DNAJC3: variants seen among roughly 807,000 people sequenced by gnomAD.
DNAJC3 encodes the protein DnaJ heat shock protein family (Hsp40) member C3.
In DNAJC3, 38 loss-of-function variants were observed where a neutral mutation model predicts 68.6. The observed-to-expected ratio is 0.55, with a 90% CI of 0.43 to 0.73. The LOEUF is 0.73. DNAJC3 is among the 30% of genes least tolerant of loss of function. The probability of loss-of-function intolerance (pLI) is 0.00; values close to 1 mark genes in which losing one functional copy is unlikely to be tolerated. For synonymous variants in DNAJC3, 203 were observed against 204.0 expected, an observed-to-expected ratio of 1.00 and a Z score of 0.04; for missense variants, 526 against 591.9, an observed-to-expected ratio of 0.89 and a Z score of 1.16.
intron 4 of DNAJC3, among the ~76,000 whole-genome samples, chr13:95,730,809 T>C (rs541687603): frequency 6.6e-6 from 1 of 152,348 alleles, no homozygotes; most frequent in East Asian, 1.9e-4. Context: ...TGGTTTCATA[T>C]GAATTGTATG....
At chr13:95,721,123 A>G (rs1186248443) in intron 2 of DNAJC3, among the ~76,000 whole-genome samples, 1 of 152,164 alleles carries the variant, frequency 6.6e-6, no homozygotes, top group East Asian at 1.9e-4. Context: ...TTATTTGAAT[A>G]TGTTAGGTAC....
chr13:95,763,518 A>G, intron 7 of DNAJC3, 125 bp from the exon 8 acceptor site: 1 of 822,022 alleles, frequency 1.2e-6, no homozygotes, highest in East Asian at 2.7e-5. Context: ...GAAAAGCCGA[A>G]TCTGAAGCCA....
chr13:95,725,920 C>A (rs12385875), intron 4 of DNAJC3, among the ~76,000 whole-genome samples: 7 of 147,436 alleles, frequency 4.7e-5, no homozygotes, highest in Admixed American at 1.4e-4. Flanking sequence ...TGAGAACATG[C>A]GGTGTTTGGT....
chr13:95,740,898 C>G (rs1882120081), intron 4 of DNAJC3, among the ~76,000 whole-genome samples: 1 of 152,128 alleles, frequency 6.6e-6, no homozygotes, highest in South Asian at 2.1e-4. Context: ...CAGTATTTGT[C>G]TGATTCTTTT....
intron 9 of DNAJC3, among the ~76,000 whole-genome samples, chr13:95,783,360 ACT>A (rs2139695236): frequency 6.6e-6 from 1 of 152,308 alleles, no homozygotes; most frequent in Admixed American, 6.5e-5. Context: ...TGGGGAGATA[ACT>A]CTGAAATGTA....
intron 2 of DNAJC3, among the ~76,000 whole-genome samples, chr13:95,715,444 A>G (rs1267273402): frequency 6.6e-6 from 1 of 151,502 alleles, no homozygotes; most frequent in Non-Finnish European, 1.5e-5. Context: ...GGCAAGTAGC[A>G]GTGACTCTCA....
intron 2 of DNAJC3, among the ~76,000 whole-genome samples, chr13:95,711,695 A>G (rs1483931313): frequency 2.6e-5 from 4 of 152,200 alleles, no homozygotes; most frequent in African/African-American, 9.7e-5. Flanking sequence ...GCCTAATAAC[A>G]TAGCCTCTAA....
chr13:95,745,873 G>A (rs1882289285), intron 4 of DNAJC3: 1 of 152,196 alleles, frequency 6.6e-6, no homozygotes, highest in African/African-American at 2.4e-5. Context: ...GGAACCTTGA[G>A]TTTTAGATTT....
At chr13:95,770,295 A>G (rs568784339) in intron 9 of DNAJC3, among the ~76,000 whole-genome samples, 2 of 152,300 alleles carry the variant, frequency 1.3e-5, no homozygotes, top group East Asian at 3.9e-4. Context: ...TCATCATCTT[A>G]AATAGAAACA....
At chr13:95,768,230 G>T (rs1435161054) in intron 9 of DNAJC3, among the ~76,000 whole-genome samples, 1 of 152,036 alleles carries the variant, frequency 6.6e-6, no homozygotes, top group Non-Finnish European at 1.5e-5. Context: ...TGTAAAATAG[G>T]AATAAGAATA....
chr13:95,760,619 G>C (rs1445406587), intron 6 of DNAJC3, 60 bp from the exon 7 acceptor site: 1 of 1,545,766 alleles, frequency 6.5e-7, no homozygotes, highest in Non-Finnish European at 8.7e-7. Flanking sequence ...GATTTCTGTG[G>C]AAAACTACTC....
intron 4 of DNAJC3, among the ~76,000 whole-genome samples, chr13:95,754,413 C>T (rs756159167): frequency 2.0e-5 from 3 of 152,256 alleles, no homozygotes; most frequent in Middle Eastern, 3.4e-3. Context: ...TAATCAAGGA[C>T]GTGACAGCTT....
intron 11 of DNAJC3, among the ~76,000 whole-genome samples, chr13:95,787,661 T>TAA (rs1883643302): frequency 6.6e-6 from 1 of 151,636 alleles, no homozygotes; most frequent in African/African-American, 2.4e-5. Context: ...ATTCACAGGC[T>TAA]TATATGTGTT....
intron 4 of DNAJC3, among the ~76,000 whole-genome samples, chr13:95,752,865 GC>G (rs900938955): frequency 6.6e-6 from 1 of 152,144 alleles, no homozygotes; most frequent in African/African-American, 2.4e-5. Flanking sequence ...TTTTAGCGTG[GC>G]AGAGAAATTT....
chr13:95,699,218 G>T (rs1880525962), intron 1 of DNAJC3, among the ~76,000 whole-genome samples: 1 of 152,184 alleles, frequency 6.6e-6, no homozygotes, highest in Admixed American at 6.5e-5. Flanking sequence ...TGGAAATTTT[G>T]TAGAGGAAGT....
chr13:95,752,565 T>A (rs187266699), intron 4 of DNAJC3, among the ~76,000 whole-genome samples: 85 of 152,246 alleles, frequency 5.6e-4, no homozygotes, highest in Non-Finnish European at 9.1e-4. Flanking sequence ...TAATTACGAG[T>A]ATTCTTCTTT....
chr13:95,683,130 GC>G (rs1192354129), intron 1 of DNAJC3, among the ~76,000 whole-genome samples: 1 of 152,182 alleles, frequency 6.6e-6, no homozygotes, highest in East Asian at 1.9e-4. Flanking sequence ...GATTGAAGGA[GC>G]TTTTTTTCCC....
In DNAJC3 at chr13:95,792,870, T is replaced by C. The variant is rs1346100775; in HGVS notation, c.*1840T>C. Reference sequence around the variant, plus strand: ...TGATGTCACTGTGACCTCTTTGAAATATAGTGATGGCTTTTACCTACTTTG... The same window carrying C: ...TGATGTCACTGTGACCTCTTTGAAACATAGTGATGGCTTTTACCTACTTTG... On this transcript the variant is annotated 3_prime_UTR_variant, in exon 12 of 12. Coordinates refer to ENST00000602402, the MANE Select transcript of DNAJC3 (RefSeq NM_006260.5). The C allele has an allele frequency of 6.6e-6, 1 of 152,172 alleles. No homozygotes were observed. The highest frequency in any genetic ancestry group is 1.5e-5 in the Non-Finnish European group (1 of 68,022). The allele number at this position is 152,172 out of a possible 1,614,324, so 9.4% of individuals were successfully genotyped here. A position where few individuals can be genotyped will look rare whatever the true frequency, so the allele number is the denominator to read the frequency against.
At chr13:95,682,610 T>C (rs912769663) in intron 1 of DNAJC3, among the ~76,000 whole-genome samples, 4 of 152,198 alleles carry the variant, frequency 2.6e-5, no homozygotes, top group Non-Finnish European at 4.4e-5. Flanking sequence ...TTATGATCAC[T>C]GCTTGTCTAA....
Sources: allele counts gnomAD v4.1 joint callset (sites outside exome capture counted in the v4.1 genomes callset), GRCh38; gene constraint gnomAD v4.1.1; transcripts MANE v1.5; gene names NCBI Gene and HGNC (gene_info 2026-07-23, HGNC 2026-07-21).